CFAP299: variants seen among roughly 807,000 people sequenced by gnomAD.
CFAP299 encodes the protein cilia and flagella associated protein 299.
Under a neutral mutation model 27.0 loss-of-function variants are expected in CFAP299, and 21 were observed. The observed-to-expected ratio is 0.78, with a 90% CI of 0.55 to 1.12. The LOEUF is 1.12. CFAP299 is among the 50% of genes most tolerant of loss of function. The probability of loss-of-function intolerance (pLI) is 0.00; values close to 1 mark genes in which losing one functional copy is unlikely to be tolerated. For missense variants in CFAP299, 310 were observed against 276.6 expected, an observed-to-expected ratio of 1.12 and a Z score of -0.86; for synonymous variants, 104 against 98.1, an observed-to-expected ratio of 1.06 and a Z score of -0.36.
At chr4:80,478,547 A>C (rs996083162) in intron 2 of CFAP299, among the ~76,000 whole-genome samples, 5 of 152,084 alleles carry the variant, frequency 3.3e-5, no homozygotes, top group African/African-American at 1.2e-4. Flanking sequence ...TATTAAGCCT[A>C]AATTAAAGAA....
intron 3 of CFAP299, among the ~76,000 whole-genome samples, chr4:80,770,362 G>A (rs984097248): frequency 6.6e-6 from 1 of 152,052 alleles, no homozygotes; most frequent in African/African-American, 2.4e-5. Context: ...GTTTACTATA[G>A]GCTCCTGGCA....
rs569743206 is a variant in CFAP299 at position 80,684,574 on chromosome 4, G to T, written c.333+101391G>T. 2.2e-4 allele frequency among the ~76,000 whole-genome samples: 34 copies of T among 152,240 alleles called. No individual in the cohort carries two copies. The East Asian group carries it at 6.4e-3, about 28-fold the overall frequency. Reference sequence around the variant, plus strand: ...TGAGCCACTGCGCCCGGCCTGAGATGACTATTTTAAGAAATATTTCTACCT... The same window carrying T: ...TGAGCCACTGCGCCCGGCCTGAGATTACTATTTTAAGAAATATTTCTACCT... On this transcript the variant is annotated intron_variant, in intron 3 of 5. Coordinates refer to ENST00000358105, the MANE Select transcript of CFAP299 (RefSeq NM_152770.3).
intron 2 of CFAP299, among the ~76,000 whole-genome samples, chr4:80,503,389 T>A (rs1231204218): frequency 6.6e-6 from 1 of 152,134 alleles, no homozygotes; most frequent in Non-Finnish European, 1.5e-5. Flanking sequence ...TTACCCAATA[T>A]CCAAAGCCCA....
chr4:80,589,059 T>C (rs1237607789), intron 3 of CFAP299, among the ~76,000 whole-genome samples: 1 of 152,176 alleles, frequency 6.6e-6, no homozygotes, highest in African/African-American at 2.4e-5. Flanking sequence ...ATATTACTTA[T>C]GACAGTGGGG....
At chr4:80,795,998 G>A (rs1727839700) in intron 3 of CFAP299, among the ~76,000 whole-genome samples, 1 of 152,166 alleles carries the variant, frequency 6.6e-6, no homozygotes, top group South Asian at 2.1e-4. Context: ...GGGTAATATA[G>A]ACCAAGTGAC....
At chr4:80,845,282 T>TTTG (rs1553898815) in intron 3 of CFAP299, among the ~76,000 whole-genome samples, 2 of 150,958 alleles carry the variant, frequency 1.3e-5, no homozygotes, top group African/African-American at 4.9e-5. Flanking sequence ...CCACACTGTT[T>TTTG]TTTTTTTTTT....
At chr4:80,636,572 T>A (rs1739473276) in intron 3 of CFAP299, among the ~76,000 whole-genome samples, 1 of 152,170 alleles carries the variant, frequency 6.6e-6, no homozygotes, top group Non-Finnish European at 1.5e-5. Context: ...GATGCTCAGA[T>A]ACGTTAAGAC....
At chr4:80,597,919 TCAAGTGACCTGCCTG>T (rs1737141496) in intron 3 of CFAP299, among the ~76,000 whole-genome samples, 2 of 152,172 alleles carry the variant, frequency 1.3e-5, no homozygotes, top group African/African-American at 4.8e-5. Flanking sequence ...ACTCCTGGCC[TCAAGTGACCTGCCTG>T]CCTCGGCCTC....
intron 4 of CFAP299, among the ~76,000 whole-genome samples, chr4:80,918,864 G>C (rs1303819924): frequency 1.3e-5 from 2 of 152,100 alleles, no homozygotes; most frequent in Non-Finnish European, 2.9e-5. Context: ...CCGGGTTCAG[G>C]GAAGTGGGTG....
At chr4:80,364,870 C>T (rs1346712327) in intron 2 of CFAP299, among the ~76,000 whole-genome samples, 1 of 152,168 alleles carries the variant, frequency 6.6e-6, no homozygotes, top group Non-Finnish European at 1.5e-5. Context: ...TGGTTTTCTG[C>T]TCCTGTGTAA....
At chr4:80,443,544 G>A (rs1184212396) in intron 2 of CFAP299, among the ~76,000 whole-genome samples, 1 of 152,096 alleles carries the variant, frequency 6.6e-6, no homozygotes, top group Non-Finnish European at 1.5e-5. Flanking sequence ...AATAATAAGA[G>A]CTATTTATGA....
At chr4:80,845,114 A>G (rs998184008) in intron 3 of CFAP299, among the ~76,000 whole-genome samples, 4 of 152,072 alleles carry the variant, frequency 2.6e-5, no homozygotes, top group South Asian at 2.1e-4. Flanking sequence ...ATTGGTCTAT[A>G]TCTCTGTTTT....
the CFAP299 span, among the ~76,000 whole-genome samples, chr4:80,321,302 T>C: frequency 6.6e-6 from 1 of 152,234 alleles, no homozygotes; most frequent in African/African-American, 2.4e-5. Flanking sequence ...AAATGTATCT[T>C]TGATGATCCA....
intron 3 of CFAP299, among the ~76,000 whole-genome samples, chr4:80,707,744 G>A (rs554638690): frequency 2.1e-4 from 32 of 151,996 alleles, no homozygotes; most frequent in Non-Finnish European, 4.1e-4. Context: ...CAATTCTAGC[G>A]TACCAAATGT....
At chr4:80,330,865 T>C (rs777012918), upstream of CFAP299, among the ~76,000 whole-genome samples, 5 of 152,158 alleles carry the variant, frequency 3.3e-5, no homozygotes, top group Admixed American at 6.5e-5. Flanking sequence ...ATTCAGCAAA[T>C]ACTTTTGAGG....
At chr4:80,600,233 G>T (rs925337316) in intron 3 of CFAP299, among the ~76,000 whole-genome samples, 1 of 152,024 alleles carries the variant, frequency 6.6e-6, no homozygotes, top group Admixed American at 6.6e-5. Context: ...TTTCCCACCT[G>T]TTGACTTTTC....
intron 2 of CFAP299, among the ~76,000 whole-genome samples, chr4:80,531,594 AG>A: frequency 6.6e-6 from 1 of 152,310 alleles, no homozygotes; most frequent in Middle Eastern, 3.4e-3. Context: ...AGCAACTGAT[AG>A]TCACCTATTC....
chr4:80,495,936 A>G (rs1323093579), intron 2 of CFAP299, among the ~76,000 whole-genome samples: 4 of 152,204 alleles, frequency 2.6e-5, no homozygotes, highest in African/African-American at 9.6e-5. Flanking sequence ...CAGTGTCCCA[A>G]AGATGTGCAG....
At chr4:80,891,602 C>G (rs1423978287) in intron 4 of CFAP299, among the ~76,000 whole-genome samples, 1 of 74,988 alleles carries the variant, frequency 1.3e-5, no homozygotes, top group Non-Finnish European at 2.4e-5. Flanking sequence ...ATATCACACT[C>G]TGGGGACTGT....
Sources: gnomAD v4.1 joint callset for allele counts (sites outside exome capture counted in the v4.1 genomes callset) on GRCh38, gnomAD v4.1.1 for gene constraint, MANE v1.5 for transcripts, NCBI Gene and HGNC (gene_info 2026-07-23, HGNC 2026-07-21) for gene names.